Variants in HEG1 observed in about 807,000 individuals in gnomAD.
HEG1 encodes protein HEG homolog 1.
HEG1 carries 56 observed loss-of-function variants against 125.6 expected under a neutral mutation model. That is an observed-to-expected ratio of 0.45 (90% CI 0.36 to 0.56). HEG1 has a LOEUF of 0.56. HEG1 is among the 20% of genes least tolerant of loss of function. HEG1 has a pLI of 0.00. For missense variants in HEG1, 1,523 were observed against 1,670.0 expected (o/e 0.91, Z 1.53); for synonymous variants, 644 against 668.5 (o/e 0.96, Z 0.57).
intron 9 of HEG1, among the ~76,000 whole-genome samples, chr3:125,003,966 C>T (rs780369362): frequency 1.1e-4 from 16 of 152,184 alleles, no homozygotes; most frequent in East Asian, 3.8e-4. Flanking sequence ...AAACTGAGGG[C>T]GATCTTGGGG....
intron 9 of HEG1, among the ~76,000 whole-genome samples, chr3:125,004,688 C>G (rs553122188): frequency 6.6e-6 from 1 of 151,498 alleles, no homozygotes; most frequent in African/African-American, 2.4e-5. Context: ...CAGGGTCTTG[C>G]CATGCTGCCC....
rs527949350 is a variant in HEG1 at position 125,023,889 on chromosome 3, CA to C, written c.914-2760del. On this transcript the variant is annotated intron_variant, in intron 3 of 16. Coordinates refer to ENST00000311127, the MANE Select transcript of HEG1 (RefSeq NM_020733.2). ...GTCTCTCTTCAATCACAGCACAAAA[CA>C]CTGGAACCTCAGGAACACATCGGAA... 2.2e-3 allele frequency among the ~76,000 whole-genome samples: 333 copies of C among 152,334 alleles called. 1 individual carries two copies. The highest frequency in any genetic ancestry group is 6.8e-3 in the Middle Eastern group (2 of 294).
intron 14 of HEG1, among the ~76,000 whole-genome samples, chr3:124,981,549 A>G (rs58454274): frequency 0.33 from 50,523 of 151,950 alleles, 8,911 homozygotes; most frequent in East Asian, 0.48. Context: ...TGCTCCAAGA[A>G]ATTTGGTTCA....
At chr3:125,005,580 G>A (rs1937060123) in intron 8 of HEG1, among the ~76,000 whole-genome samples, 1 of 152,146 alleles carries the variant, frequency 6.6e-6, no homozygotes, top group Non-Finnish European at 1.5e-5. Context: ...GGCTTAGATT[G>A]AGCAAACTTT....
intron 1 of HEG1, among the ~76,000 whole-genome samples, chr3:125,038,904 A>ACC (rs1937569652): frequency 2.0e-5 from 3 of 152,156 alleles, no homozygotes; most frequent in African/African-American, 7.2e-5. Flanking sequence ...TCAGACATTC[A>ACC]TGGGGTGGGA....
chr3:125,029,116 G>A, intron 2 of HEG1, 79 bp downstream of exon 2: 1 of 1,461,500 alleles, frequency 6.8e-7, no homozygotes, highest in Non-Finnish European at 9.3e-7. Context: ...TCAGAATGGG[G>A]TTGTGGGGAA....
chr3:124,997,548 G>C, intron 12 of HEG1, 141 bp downstream of exon 12: 1 of 690,546 alleles, frequency 1.4e-6, no homozygotes, highest in Non-Finnish European at 2.1e-6. Flanking sequence ...ATCCTGCCAC[G>C]AGCAAAATAA....
At chr3:125,043,324 G>A (rs1006563350) in intron 1 of HEG1, among the ~76,000 whole-genome samples, 3 of 152,122 alleles carry the variant, frequency 2.0e-5, no homozygotes, top group East Asian at 1.9e-4. Flanking sequence ...AGGTGGCCTC[G>A]GGCATGAAGG....
chr3:124,970,914 G>A, intron 16 of HEG1, 113 bp from the exon 17 acceptor site: 1 of 868,726 alleles, frequency 1.2e-6, no homozygotes, highest in African/African-American at 1.7e-5. Flanking sequence ...GGTTTATCCT[G>A]TATGATGTGG....
rs1936820424 is a variant in HEG1, at chr3:124,990,784, T to TA, written c.3733+2dup. On this transcript the variant is annotated splice_region_variant and intron_variant, in intron 14 of 16. Coordinates refer to ENST00000311127, the MANE Select transcript of HEG1 (RefSeq NM_020733.2). ...GCATAATGGTCCACTTTTGTACACT[T>TA]ACGGTTTCCACAGTTGAGACCACCA... 1.0e-5 allele frequency: 16 copies of TA among 1,560,188 alleles called. No individual in the cohort carries two copies. Among genetic ancestry groups the TA allele is most frequent in the Non-Finnish European group, 1.4e-5 (16 of 1,151,300 alleles).
At chr3:125,007,983 C>T (rs896001960) in intron 8 of HEG1, among the ~76,000 whole-genome samples, 3 of 151,750 alleles carry the variant, frequency 2.0e-5, no homozygotes, top group African/African-American at 7.3e-5. Flanking sequence ...AATCTCGACT[C>T]ACCACAACCT....
chr3:125,036,337 C>T (rs952709947), intron 1 of HEG1, among the ~76,000 whole-genome samples: 1 of 142,976 alleles, frequency 7.0e-6, no homozygotes, highest in East Asian at 2.2e-4. Context: ...AAAAAAAAAT[C>T]AATAAATAGC....
At chr3:125,054,098 A>G (rs1937874483) in intron 1 of HEG1, among the ~76,000 whole-genome samples, 1 of 152,270 alleles carries the variant, frequency 6.6e-6, no homozygotes, top group Admixed American at 6.5e-5. Context: ...CTGTTTAGAA[A>G]AACTCACAAA....
chr3:124,999,802 C>T (rs895003799), intron 11 of HEG1, among the ~76,000 whole-genome samples: 20 of 152,330 alleles, frequency 1.3e-4, no homozygotes, highest in African/African-American at 4.6e-4. Flanking sequence ...GCATAACATC[C>T]GCCAAAACAG....
rs144632516 is a variant in HEG1, at chr3:125,012,613, T to C, written c.2956+10A>G. 3.4e-5 allele frequency: 55 copies of C among 1,608,206 alleles called. No homozygotes were observed. In the Admixed American group the frequency reaches 9.1e-4, roughly 27 times the overall value. On this transcript the variant is annotated intron_variant, in intron 6 of 16. Transcript: ENST00000311127. Reference sequence around the variant, plus strand: ...TGCAGTTAACATGTGCTTGTGTGACTGTGTTTTACCTGAGGCTGAAGAGGA... The same window carrying C: ...TGCAGTTAACATGTGCTTGTGTGACCGTGTTTTACCTGAGGCTGAAGAGGA...
At chr3:125,037,543 TACACTCAGTA>T (rs1432666963) in intron 1 of HEG1, among the ~76,000 whole-genome samples, 2 of 152,222 alleles carry the variant, frequency 1.3e-5, no homozygotes, top group Non-Finnish European at 2.9e-5. Context: ...GATGCCTAAC[TACACTCAGTA>T]ACAGTCATGG....
intron 11 of HEG1, among the ~76,000 whole-genome samples, chr3:125,000,245 G>C (rs2107695503): frequency 6.6e-6 from 1 of 152,346 alleles, no homozygotes; most frequent in African/African-American, 2.4e-5. Flanking sequence ...CCATATACAA[G>C]CAGTCGGAAG....
rs1041208881 is a variant in HEG1 at position 124,969,191 on chromosome 3, C to G, written c.*1461G>C. 2 of 152,224 alleles carry G rather than the reference C, an allele frequency of 1.3e-5. No individual in the cohort carries two copies. Among genetic ancestry groups the G allele is most frequent in the Non-Finnish European group, 2.9e-5 (2 of 68,058 alleles). 9.4% of individuals were successfully genotyped at this position (152,224 alleles called of 1,614,324 possible). ...TTCTTTTACCTCTGTATTCCCCTCA[C>G]TTCATCCAAAACCAGGATGCCCCAA... On this transcript the variant is annotated 3_prime_UTR_variant, in exon 17 of 17. Transcript: ENST00000311127.
At chr3:125,005,752 G>A (rs1195847477) in intron 8 of HEG1, among the ~76,000 whole-genome samples, 2 of 152,312 alleles carry the variant, frequency 1.3e-5, no homozygotes, top group South Asian at 2.1e-4. Context: ...CATCCTAGGA[G>A]GAGGGAGGGA....
Sources: allele counts gnomAD v4.1 joint callset (sites outside exome capture counted in the v4.1 genomes callset), GRCh38; gene constraint gnomAD v4.1.1; transcripts MANE v1.5; gene names NCBI Gene and HGNC (gene_info 2026-07-23, HGNC 2026-07-21).